Variants in MAP3K2 observed in about 807,000 individuals in gnomAD.
MAP3K2 encodes MAP/ERK kinase kinase 2.
In MAP3K2, 24 loss-of-function variants were observed where a neutral mutation model predicts 80.3. The observed-to-expected ratio is 0.30, with a 90% CI of 0.22 to 0.42. The LOEUF is 0.42. MAP3K2 is among the 10% of genes least tolerant of loss of function. The pLI, the probability that MAP3K2 is intolerant of heterozygous loss-of-function variation, is 1.00. For synonymous variants in MAP3K2, 244 were observed against 253.7 expected, an observed-to-expected ratio of 0.96 and a Z score of 0.36; for missense variants, 608 against 750.1, an observed-to-expected ratio of 0.81 and a Z score of 2.21.
At chr2:127,352,701 CCCCT>C (rs905287993) in intron 1 of MAP3K2, among the ~76,000 whole-genome samples, 5 of 152,028 alleles carry the variant, frequency 3.3e-5, no homozygotes, top group African/African-American at 1.2e-4. Flanking sequence ...CCTCCTCCTC[CCCCT>C]CCCTCCCTCT....
intron 11 of MAP3K2, among the ~76,000 whole-genome samples, chr2:127,323,506 G>A (rs1054592481): frequency 6.6e-6 from 1 of 152,130 alleles, no homozygotes; most frequent in Admixed American, 6.5e-5. Flanking sequence ...GCAACATGGT[G>A]GGACACTGTC....
chr2:127,379,330 T>C (rs1266980380), intron 1 of MAP3K2, among the ~76,000 whole-genome samples: 1 of 152,202 alleles, frequency 6.6e-6, no homozygotes, highest in Non-Finnish European at 1.5e-5. Context: ...ACTTATTATA[T>C]GCTAGGCACC....
intron 1 of MAP3K2, among the ~76,000 whole-genome samples, chr2:127,384,621 T>A (rs1574012270): frequency 6.6e-6 from 1 of 151,886 alleles, no homozygotes; most frequent in Admixed American, 6.6e-5. Context: ...GAGCTAAAAC[T>A]TGAACAGATG....
intron 4 of MAP3K2, 28 bp downstream of exon 4, chr2:127,337,710 A>AATTAACATG (rs771207934): frequency 2.5e-4 from 324 of 1,304,272 alleles, no homozygotes; most frequent in Non-Finnish European, 3.3e-4. Flanking sequence ...TAAATCAATT[A>AATTAACATG]ATTAACATGT....
rs1417182371 is a variant in MAP3K2 at position 127,338,991 on chromosome 2, G to T, written c.64C>A (p.Arg22=). The change falls in exon 3 of 17, where the codon CGA becomes AGA. Residue 22 remains arginine (R), a synonymous_variant. Transcript: ENST00000682094. The stretch of plus-strand genomic sequence containing the variant: ...GTTTCCTGCAAGGATAATGCTGGTC[G>T]ACTGGCCTTATGAAGGACAGCCAAA... ...QDLAVLHKAS[R]PALSLQETRK... 1 of 1,612,866 alleles carries T rather than the reference G, an allele frequency of 6.2e-7. No homozygotes were observed. Among genetic ancestry groups the T allele is most frequent in the Non-Finnish European group, 8.5e-7 (1 of 1,179,446 alleles).
At chr2:127,347,822 G>T (rs1347796557) in intron 1 of MAP3K2, among the ~76,000 whole-genome samples, 2 of 152,114 alleles carry the variant, frequency 1.3e-5, no homozygotes, top group East Asian at 3.8e-4. Flanking sequence ...AGTATCATCT[G>T]TCATCAGGGA....
At chr2:127,345,894 GACAA>G (rs1686587694) in intron 1 of MAP3K2, among the ~76,000 whole-genome samples, 1 of 151,744 alleles carries the variant, frequency 6.6e-6, no homozygotes, top group African/African-American at 2.4e-5. Context: ...TATTTACATT[GACAA>G]ACAAGAAGGA....
chr2:127,308,525 C>G, intron 16 of MAP3K2, 60 bp downstream of exon 16: 1 of 1,426,666 alleles, frequency 7.0e-7, no homozygotes, highest in Non-Finnish European at 9.4e-7. Flanking sequence ...GTAATTCAAT[C>G]CCAGGTGGAA....
At chr2:127,363,029 T>C (rs1007698957) in intron 1 of MAP3K2, among the ~76,000 whole-genome samples, 2 of 152,214 alleles carry the variant, frequency 1.3e-5, no homozygotes, top group African/African-American at 4.8e-5. Flanking sequence ...AACAATAATT[T>C]ACACAGCACT....
rs1160380529 is a variant in MAP3K2, at chr2:127,387,918, G to A, written c.-532C>T. 1 of 982,016 alleles carries A rather than the reference G, an allele frequency of 1.0e-6. No individual in the cohort carries two copies. Among genetic ancestry groups the A allele is most frequent in the Non-Finnish European group, 1.2e-6 (1 of 827,284 alleles). 60.8% of individuals were successfully genotyped at this position (982,016 alleles called of 1,614,324 possible). A position where few individuals can be genotyped will look rare whatever the true frequency, so the allele number is the denominator to read the frequency against. Reference sequence around the variant, plus strand: ...TGCGCCCAGCGGCCGCGGCACCCTCGTCAGGCGCCGCCGCTGAGGGCAGGC... The same window carrying A: ...TGCGCCCAGCGGCCGCGGCACCCTCATCAGGCGCCGCCGCTGAGGGCAGGC... On this transcript the variant is annotated 5_prime_UTR_variant, in exon 1 of 17. In the 5' UTR this introduces an upstream ATG that the reference lacks. Coordinates refer to ENST00000682094, the MANE Select transcript of MAP3K2 (RefSeq NM_001371910.2).
At chr2:127,372,481 A>C (rs1391262418) in intron 1 of MAP3K2, among the ~76,000 whole-genome samples, 2 of 152,206 alleles carry the variant, frequency 1.3e-5, no homozygotes, top group African/African-American at 2.4e-5. Flanking sequence ...ACTAGCCAGA[A>C]ACTTGTCCTT....
chr2:127,324,098 T>TC (rs1236686385), intron 10 of MAP3K2, 76 bp downstream of exon 10: 15 of 1,114,406 alleles, frequency 1.3e-5, no homozygotes, highest in African/African-American at 3.2e-5. Context: ...TTTTCAAAAA[T>TC]CCCCCCTCTC....
chr2:127,380,612 A>G (rs368786699), intron 1 of MAP3K2, among the ~76,000 whole-genome samples: 1 of 152,216 alleles, frequency 6.6e-6, no homozygotes, highest in South Asian at 2.1e-4. Context: ...CAACAACAAC[A>G]AAGTAAGAGT....
intron 1 of MAP3K2, among the ~76,000 whole-genome samples, chr2:127,346,410 TA>T (rs70985447): frequency 0.57 from 55,674 of 97,454 alleles, 14,831 homozygotes; most frequent in East Asian, 0.81. Context: ...AAACTGGTTT[TA>T]AAAAAAAAAA....
At chr2:127,311,015 T>C (rs999742019) in intron 15 of MAP3K2, among the ~76,000 whole-genome samples, 8 of 152,178 alleles carry the variant, frequency 5.3e-5, no homozygotes, top group African/African-American at 1.9e-4. Flanking sequence ...AGAAGGAGAC[T>C]GAATAGTGGA....
At chr2:127,329,854 CTACAT>C (rs1268468971) in intron 7 of MAP3K2, 62 bp downstream of exon 7, 22 of 865,998 alleles carry the variant, frequency 2.5e-5, no homozygotes, top group Non-Finnish European at 4.1e-5. Context: ...AGGTGCCACA[CTACAT>C]TAAAGGATGG....
At chr2:127,351,510 T>C (rs149824107) in intron 1 of MAP3K2, among the ~76,000 whole-genome samples, 4 of 152,260 alleles carry the variant, frequency 2.6e-5, no homozygotes, top group Admixed American at 1.3e-4. Context: ...ATTTTTCCAG[T>C]TGCTCAAAAC....
At chr2:127,381,962 C>T (rs904757042) in intron 1 of MAP3K2, among the ~76,000 whole-genome samples, 9 of 151,918 alleles carry the variant, frequency 5.9e-5, no homozygotes, top group Non-Finnish European at 1.2e-4. Flanking sequence ...ATATGAGTCA[C>T]TTTATAAGAC....
At chr2:127,383,431 A>AT (rs762555348) in intron 1 of MAP3K2, among the ~76,000 whole-genome samples, 15 of 151,920 alleles carry the variant, frequency 9.9e-5, no homozygotes, top group Admixed American at 2.6e-4. Flanking sequence ...TTCTAGGTGG[A>AT]TTTTTTCTTT....
Sources: gnomAD v4.1 joint callset for allele counts (sites outside exome capture counted in the v4.1 genomes callset) on GRCh38, gnomAD v4.1.1 for gene constraint, MANE v1.5 for transcripts, NCBI Gene and HGNC (gene_info 2026-07-23, HGNC 2026-07-21) for gene names.